Variants in MAGI3 observed in about 807,000 individuals in gnomAD.
The protein encoded by MAGI3 is membrane associated guanylate kinase, WW and PDZ domain containing 3.
A neutral mutation model predicts 121.8 loss-of-function variants in MAGI3; 43 were observed. That is an observed-to-expected ratio of 0.35 (90% CI 0.28 to 0.46). The LOEUF is 0.46. Ranked by LOEUF, MAGI3 falls within the 20% of genes least tolerant of loss-of-function variation. The probability of loss-of-function intolerance (pLI) is 1.00; values close to 1 mark genes in which losing one functional copy is unlikely to be tolerated. For synonymous variants in MAGI3, 553 were observed against 639.3 expected, an observed-to-expected ratio of 0.86 and a Z score of 2.04; for missense variants, 1,547 against 1,797.3, an observed-to-expected ratio of 0.86 and a Z score of 2.52.
chr1:113,610,262 CA>C (rs1650039067), intron 6 of MAGI3, among the ~76,000 whole-genome samples: 1 of 151,826 alleles, frequency 6.6e-6, no homozygotes, highest in Non-Finnish European at 1.5e-5. Flanking sequence ...GCCTCCCCAA[CA>C]AAGCGTTTTT....
rs971369565 is a variant in MAGI3, at chr1:113,550,779, GA to G, written c.433+1156del. 3.4e-5 allele frequency among the ~76,000 whole-genome samples: 5 copies of G among 148,880 alleles called. No homozygotes were observed. In the South Asian group the frequency reaches 1.1e-3, roughly 32 times the overall value. ...ACTCAAAAAAAAAAAAGAAAAAAAC[GA>G]AAAAAAATATATATATATTTTTACA... On this transcript the variant is annotated intron_variant, in intron 2 of 20. Transcript: ENST00000307546.
intron 15 of MAGI3, among the ~76,000 whole-genome samples, chr1:113,655,106 A>G (rs1653399317): frequency 6.6e-6 from 1 of 152,182 alleles, no homozygotes; most frequent in African/African-American, 2.4e-5. Flanking sequence ...TGGAACTGGA[A>G]CTGTCACTGA....
Position 113,585,503 on chromosome 1 carries a change from A to G in MAGI3, c.670A>G (p.Thr224Ala), listed in dbSNP as rs150051428. 1.9e-6 allele frequency: 3 copies of G among 1,614,122 alleles called. No homozygotes were observed. In the Admixed American group the frequency reaches 5.0e-5, roughly 27 times the overall value. ...TGCAGAATCTCAAAGAAAACGAACG[A>G]CATCTGTCAGCAAGATGGAAAGAAT... is the stretch of plus-strand genomic sequence containing the variant. ...FDAESQRKRT[T>A]SVSKMERMDS... The change falls in exon 4 of 21, where the codon ACA becomes GCA. Residue 224 changes from threonine (T) to alanine (A), a missense_variant. By Grantham distance (58) the Thr-to-Ala change is moderately conservative. Coordinates refer to ENST00000307546, the MANE Select transcript of MAGI3 (RefSeq NM_001142782.2).
chr1:113,674,162 T>C (rs11102667), intron 19 of MAGI3, among the ~76,000 whole-genome samples: 58,105 of 151,982 alleles, frequency 0.38, 12,833 homozygotes, highest in African/African-American at 0.6. Flanking sequence ...GAGGCCGAGG[T>C]GGGCAGATCG....
chr1:113,643,003 G>A lies in MAGI3; in HGVS notation c.1966+487G>A, dbSNP rs1194066966. Among the ~76,000 whole-genome samples the A allele has an allele frequency of 2.6e-5, 4 of 152,208 alleles. No individual in the cohort carries two copies. The East Asian group carries it at 5.8e-4, about 22-fold the overall frequency. On this transcript the variant is annotated intron_variant, in intron 10 of 20. Transcript: ENST00000307546. ...TCTGCAGAGGCAATCATGATAGCAT[G>A]TGCTCATAAAGTTTTCATCTTAAGC... is the stretch of plus-strand genomic sequence containing the variant.
In MAGI3 at chr1:113,636,059, G is replaced by T. The variant is rs574348885; in HGVS notation, c.1361-5852G>T. On this transcript the variant is annotated intron_variant, in intron 9 of 20. Coordinates refer to ENST00000307546, the MANE Select transcript of MAGI3 (RefSeq NM_001142782.2). ...CTGATGGTAGTTTGTATTTCTGTGGGATCGGTGGTGATATCCCCTTTTATC... is the reference window on the plus strand; with the variant it reads ...CTGATGGTAGTTTGTATTTCTGTGGTATCGGTGGTGATATCCCCTTTTATC... Among the ~76,000 whole-genome samples the T allele has an allele frequency of 4.6e-5, 7 of 152,210 alleles. No homozygotes were observed. In the South Asian group the frequency reaches 1.0e-3, roughly 23 times the overall value.
At chr1:113,415,517 C>G (rs961956940) in intron 1 of MAGI3, among the ~76,000 whole-genome samples, 7 of 151,944 alleles carry the variant, frequency 4.6e-5, no homozygotes, top group Non-Finnish European at 1.0e-4. Flanking sequence ...CTTCCTTTGC[C>G]TCTCTTTTCT....
At chr1:113,673,499 G>A in intron 19 of MAGI3, 34 bp downstream of exon 19, 1 of 1,600,448 alleles carries the variant, frequency 6.2e-7, no homozygotes, top group East Asian at 2.3e-5. Flanking sequence ...CTTAGGTTCA[G>A]GCTCTAGACT....
At chr1:113,489,240 G>A (rs1173055599) in intron 1 of MAGI3, among the ~76,000 whole-genome samples, 3 of 147,440 alleles carry the variant, frequency 2.0e-5, no homozygotes, top group South Asian at 2.1e-4. Context: ...ATGCAAGTCC[G>A]CCAGAGTTAG....
chr1:113,581,599 G>A (rs1648029304), intron 3 of MAGI3, among the ~76,000 whole-genome samples: 1 of 151,898 alleles, frequency 6.6e-6, no homozygotes, highest in African/African-American at 2.4e-5. Flanking sequence ...CCTCATTGTA[G>A]GCCCACTAGA....
intron 9 of MAGI3, among the ~76,000 whole-genome samples, chr1:113,634,718 T>G (rs1225145241): frequency 6.6e-6 from 1 of 152,000 alleles, no homozygotes; most frequent in Non-Finnish European, 1.5e-5. Context: ...CAATGTGGGC[T>G]TTTTTTTGGT....
chr1:113,551,212 T>A (rs12037873), intron 2 of MAGI3, among the ~76,000 whole-genome samples: 34,044 of 152,054 alleles, frequency 0.22, 4,888 homozygotes, highest in East Asian at 0.65. Context: ...CTCATATAGC[T>A]GTTACTAGGA....
chr1:113,471,504 C>G (rs752281129), intron 1 of MAGI3, among the ~76,000 whole-genome samples: 1 of 152,110 alleles, frequency 6.6e-6, no homozygotes. Flanking sequence ...TAAACACCTA[C>G]ATCAAAAAAG....
At chr1:113,629,162 A>G (rs1236499184) in intron 9 of MAGI3, among the ~76,000 whole-genome samples, 1 of 152,010 alleles carries the variant, frequency 6.6e-6, no homozygotes, top group East Asian at 1.9e-4. Context: ...GCTGTCTTCA[A>G]GCTCACTAAT....
At chr1:113,539,175 A>T (rs1313922504) in intron 1 of MAGI3, among the ~76,000 whole-genome samples, 1 of 152,122 alleles carries the variant, frequency 6.6e-6, no homozygotes, top group African/African-American at 2.4e-5. Flanking sequence ...CGGGTGGATC[A>T]TGAGGTCAAG....
chr1:113,467,832 G>A (rs1430693274), intron 1 of MAGI3, among the ~76,000 whole-genome samples: 7 of 152,010 alleles, frequency 4.6e-5, no homozygotes, highest in Non-Finnish European at 8.8e-5. Context: ...ATCACACCTG[G>A]CTCCCTCCTA....
At chr1:113,555,555 C>A (rs1360022897) in intron 2 of MAGI3, among the ~76,000 whole-genome samples, 2 of 152,180 alleles carry the variant, frequency 1.3e-5, no homozygotes, top group East Asian at 3.9e-4. Context: ...CAAATATAGA[C>A]CATATTCTGC....
Position 113,585,572 on chromosome 1 carries a change from G to C in MAGI3, c.739G>C (p.Ala247Pro), listed in dbSNP as rs766532680. The part of the protein sequence containing the change: ...PEEEEDEDKE[A>P]INGSGNAENR... ...AGAGGAAGAAGATGAGGACAAGGAAGCTATTAATGGCAGTGGAAACGCAGG... is the reference window on the plus strand; with the variant it reads ...AGAGGAAGAAGATGAGGACAAGGAACCTATTAATGGCAGTGGAAACGCAGG... The change falls in exon 4 of 21, where the codon GCT (alanine) becomes CCT (proline). Residue 247 changes from alanine to proline, a missense_variant. Coordinates refer to ENST00000307546, the MANE Select transcript of MAGI3 (RefSeq NM_001142782.2). 47 of 1,613,704 alleles carry C rather than the reference G, an allele frequency of 2.9e-5. 1 individual carries two copies. The South Asian group carries it at 5.1e-4, about 17-fold the overall frequency.
In MAGI3 at chr1:113,614,667, G is replaced by T. The variant is rs764959590; in HGVS notation, c.1076+9G>T. ...GGGACATACTATGTTGAGTAAGTTT[G>T]TTACCTCAGTTAATATTCTCCCAAA... On this transcript the variant is annotated intron_variant, in intron 7 of 20. Transcript: ENST00000307546. 4 of 1,580,220 alleles carry T rather than the reference G, an allele frequency of 2.5e-6. No homozygotes were observed. In the South Asian group the frequency reaches 4.5e-5, roughly 18 times the overall value.
Sources: allele counts gnomAD v4.1 joint callset (sites outside exome capture counted in the v4.1 genomes callset), GRCh38; gene constraint gnomAD v4.1.1; transcripts MANE v1.5; gene names NCBI Gene and HGNC (gene_info 2026-07-23, HGNC 2026-07-21).